The following CLSTN2 variants were observed in gnomAD, a reference collection of about 807,000 sequenced individuals.
The protein encoded by CLSTN2 is calsyntenin 2.
Under a neutral mutation model 101.2 loss-of-function variants are expected in CLSTN2, and 48 were observed. That is an observed-to-expected ratio of 0.47 (90% CI 0.38 to 0.60). The LOEUF is 0.60. CLSTN2 is among the 20% of genes least tolerant of loss of function. The pLI is 0.00. For synonymous variants in CLSTN2, 481 were observed against 463.6 expected (o/e 1.04, Z -0.48); for missense variants, 1,160 against 1,238.2 (o/e 0.94, Z 0.95).
intron 2 of CLSTN2, among the ~76,000 whole-genome samples, chr3:140,286,326 G>C (rs1188160983): frequency 6.6e-6 from 1 of 152,000 alleles, no homozygotes; most frequent in Admixed American, 6.6e-5. Flanking sequence ...AAACTCTTTG[G>C]ACTATTTCTC....
chr3:140,251,768 C>T (rs1051298253), intron 2 of CLSTN2, among the ~76,000 whole-genome samples: 2 of 152,020 alleles, frequency 1.3e-5, no homozygotes, highest in African/African-American at 4.8e-5. Context: ...CTTCATGGGG[C>T]TCTGTCAGTG....
At chr3:140,435,197 C>T (rs2088673682) in intron 5 of CLSTN2, among the ~76,000 whole-genome samples, 1 of 152,052 alleles carries the variant, frequency 6.6e-6, no homozygotes, top group African/African-American at 2.4e-5. Context: ...ACCATCCCCA[C>T]CTCCCCTTAC....
chr3:140,135,775 T>C (rs2009607310), intron 1 of CLSTN2, among the ~76,000 whole-genome samples: 1 of 152,188 alleles, frequency 6.6e-6, no homozygotes, highest in African/African-American at 2.4e-5. Context: ...TTTTGCAGGG[T>C]ACCTTTGTTA....
chr3:140,213,955 A>G (rs1412351263), intron 2 of CLSTN2, among the ~76,000 whole-genome samples: 1 of 152,180 alleles, frequency 6.6e-6, no homozygotes, highest in African/African-American at 2.4e-5. Flanking sequence ...AGGAGGTTGA[A>G]CACTTAGGTT....
At chr3:140,215,944 A>G (rs1015473301) in intron 2 of CLSTN2, among the ~76,000 whole-genome samples, 3 of 152,138 alleles carry the variant, frequency 2.0e-5, no homozygotes, top group Non-Finnish European at 2.9e-5. Context: ...TCACAGAGGG[A>G]ATTAGAGCAG....
chr3:140,476,711 T>C (rs526326), intron 8 of CLSTN2, among the ~76,000 whole-genome samples: 138,365 of 149,782 alleles, frequency 0.92, 63,998 homozygotes, highest in Admixed American at 0.94. Context: ...CAGACTGGAG[T>C]GCAGTGGCGT....
rs982782979 is a variant in CLSTN2 at position 140,044,258 on chromosome 3, T to G, written c.109+108775T>G. Among the ~76,000 whole-genome samples, 28 of 152,344 alleles carry G rather than the reference T, an allele frequency of 1.8e-4. No homozygotes were observed. The South Asian group carries it at 5.8e-3, about 32-fold the overall frequency. On this transcript the variant is annotated intron_variant, in intron 1 of 16. Transcript: ENST00000458420. Reference sequence around the variant, plus strand: ...GTGGTCCTTCACGTCCCTTGTAAGTTGGATTCCTAGGTATTTTATTCTCTT... The same window carrying G: ...GTGGTCCTTCACGTCCCTTGTAAGTGGGATTCCTAGGTATTTTATTCTCTT...
At chr3:139,969,685 G>T (rs1935661880) in intron 1 of CLSTN2, among the ~76,000 whole-genome samples, 2 of 152,162 alleles carry the variant, frequency 1.3e-5, no homozygotes, top group Non-Finnish European at 2.9e-5. Context: ...CCTGCCTGCT[G>T]CTTTGTGCAT....
intron 1 of CLSTN2, among the ~76,000 whole-genome samples, chr3:140,139,713 G>A (rs1281395540): frequency 1.3e-5 from 2 of 152,234 alleles, no homozygotes; most frequent in Non-Finnish European, 2.9e-5. Context: ...TATATTGAAT[G>A]CCTGCTTTTA....
At chr3:140,560,098 G>C (rs1301294692) in intron 12 of CLSTN2, among the ~76,000 whole-genome samples, 1 of 152,172 alleles carries the variant, frequency 6.6e-6, no homozygotes, top group Admixed American at 6.5e-5. Flanking sequence ...CAATTATCTG[G>C]GTTCACATTT....
chr3:140,425,559 C>T (rs575249529), intron 5 of CLSTN2, among the ~76,000 whole-genome samples: 9 of 152,326 alleles, frequency 5.9e-5, no homozygotes, highest in Admixed American at 1.3e-4. Flanking sequence ...TCCCTTAGGG[C>T]GGAACCACAC....
At chr3:140,392,626 CTGCACTAAAGAG>C (rs1576545941) in intron 2 of CLSTN2, among the ~76,000 whole-genome samples, 2 of 152,190 alleles carry the variant, frequency 1.3e-5, no homozygotes, top group East Asian at 3.9e-4. Context: ...CTAGTGGCTT[CTGCACTAAAGAG>C]TGCAGACATA....
intron 8 of CLSTN2, among the ~76,000 whole-genome samples, chr3:140,521,078 A>G (rs2107773547): frequency 6.8e-6 from 1 of 146,116 alleles, no homozygotes; most frequent in East Asian, 2.0e-4. Context: ...ATTGAGTTAC[A>G]ACATGCTCCT....
chr3:140,295,996 T>C (rs913365049), intron 2 of CLSTN2, among the ~76,000 whole-genome samples: 6 of 152,218 alleles, frequency 3.9e-5, no homozygotes, highest in African/African-American at 1.4e-4. Context: ...TATAATCCAA[T>C]TCTTATATGT....
At chr3:140,092,918 G>A (rs1440369430) in intron 1 of CLSTN2, among the ~76,000 whole-genome samples, 1 of 152,210 alleles carries the variant, frequency 6.6e-6, no homozygotes, top group Non-Finnish European at 1.5e-5. Flanking sequence ...ATGCTGGCCA[G>A]ATGGCCAAGA....
intron 2 of CLSTN2, among the ~76,000 whole-genome samples, chr3:140,318,670 G>T (rs942148668): frequency 6.6e-6 from 1 of 152,158 alleles, no homozygotes; most frequent in Non-Finnish European, 1.5e-5. Context: ...AGAGTTCTAG[G>T]TACTTACCGT....
At chr3:140,345,708 T>G (rs1348360571) in intron 2 of CLSTN2, among the ~76,000 whole-genome samples, 5 of 151,694 alleles carry the variant, frequency 3.3e-5, no homozygotes, top group Non-Finnish European at 5.9e-5. Context: ...GCCACTCAGT[T>G]TTGTTTGGAT....
At position 140,363,287 on chromosome 3, in the gene CLSTN2, G is replaced by T. The variant is rs76304451; in HGVS notation, c.233-40342G>T. The stretch of plus-strand genomic sequence containing the variant: ...AATGTCCAGAAAGGGCAAACCTATA[G>T]AGAGAGAAAGCAAATCTGTCTCAGG... On this transcript the variant is annotated intron_variant, in intron 2 of 16. Coordinates refer to ENST00000458420, the MANE Select transcript of CLSTN2 (RefSeq NM_022131.3). Among the ~76,000 whole-genome samples, 1,213 of 152,274 alleles carry T rather than the reference G, an allele frequency of 8.0e-3. 15 individuals are homozygous for T. The highest frequency in any genetic ancestry group is 0.028 in the African/African-American group (1,151 of 41,528).
At chr3:140,512,779 C>T (rs1348186876) in intron 8 of CLSTN2, among the ~76,000 whole-genome samples, 2 of 152,096 alleles carry the variant, frequency 1.3e-5, no homozygotes, top group Admixed American at 1.3e-4. Flanking sequence ...TATGTCATCT[C>T]TAAATTCCTT....
Sources: gnomAD v4.1 joint callset for allele counts (sites outside exome capture counted in the v4.1 genomes callset) on GRCh38, gnomAD v4.1.1 for gene constraint, MANE v1.5 for transcripts, NCBI Gene and HGNC (gene_info 2026-07-23, HGNC 2026-07-21) for gene names.